The following IPO8 variants were observed in gnomAD, a reference collection of about 807,000 sequenced individuals.
IPO8 encodes importin-8.
In IPO8, 65 loss-of-function variants were observed where a neutral mutation model predicts 141.2. The observed-to-expected ratio is 0.46, with a 90% CI of 0.38 to 0.57. The LOEUF (loss-of-function observed/expected upper bound fraction) is 0.57. Among genes scored for constraint, IPO8 ranks in the 20% least tolerant of loss-of-function variants. IPO8 has a pLI of 0.00. For synonymous variants in IPO8, 411 were observed against 420.3 expected, an observed-to-expected ratio of 0.98 and a Z score of 0.27; for missense variants, 980 against 1,246.8, an observed-to-expected ratio of 0.79 and a Z score of 3.22.
At chr12:30,659,864 A>AC (rs1565500355) in intron 16 of IPO8, among the ~76,000 whole-genome samples, 6 of 146,616 alleles carry the variant, frequency 4.1e-5, no homozygotes. Context: ...CAAAACAAAA[A>AC]AAAAAAAAAC....
At chr12:30,674,150 T>C in intron 7 of IPO8, 76 bp from the exon 8 acceptor site, 1 of 942,656 alleles carries the variant, frequency 1.1e-6, no homozygotes, top group Non-Finnish European at 1.7e-6. Flanking sequence ...TTAAATATAG[T>C]CGCTTATTCA....
chr12:30,636,417 T>G (rs898683304), intron 22 of IPO8, among the ~76,000 whole-genome samples: 1 of 152,150 alleles, frequency 6.6e-6, no homozygotes, highest in African/African-American at 2.4e-5. Flanking sequence ...TATTCAACTC[T>G]AACAATCTTA....
chr12:30,678,192 A>C (rs1293595385), intron 5 of IPO8, among the ~76,000 whole-genome samples: 1 of 152,116 alleles, frequency 6.6e-6, no homozygotes, highest in African/African-American at 2.4e-5. Context: ...GCTAGGGTTA[A>C]TTTATTATTG....
At position 30,630,760 on chromosome 12, in the gene IPO8, G is replaced by T; in HGVS notation, c.*100C>A. On this transcript the variant is annotated 3_prime_UTR_variant, in exon 25 of 25. Transcript: ENST00000256079. ...CCAGATGGTAACTGGCACAGCAGGA[G>T]GGCCCTAAAAGCAGCCCCTCATTTC... 2 of 853,826 alleles carry T rather than the reference G, an allele frequency of 2.3e-6. No homozygotes were observed. The highest frequency in any genetic ancestry group is 2.5e-5 in the East Asian group (1 of 40,694). The allele number at this position is 853,826 out of a possible 1,614,324, so 52.9% of individuals were successfully genotyped here. A position where few individuals can be genotyped will look rare whatever the true frequency, so the allele number is the denominator to read the frequency against.
intron 1 of IPO8, among the ~76,000 whole-genome samples, chr12:30,690,989 T>C (rs2053286327): frequency 1.3e-5 from 2 of 152,212 alleles, no homozygotes; most frequent in Admixed American, 1.3e-4. Context: ...TTGTTGGCTG[T>C]TTTTTCTACA....
chr12:30,653,064 T>G lies in IPO8; in HGVS notation c.1977A>C (p.Ala659=). 3.7e-6 allele frequency: 6 copies of G among 1,610,496 alleles called. No individual in the cohort carries two copies. The highest frequency in any genetic ancestry group is 5.1e-6 in the Non-Finnish European group (6 of 1,178,448). The part of the protein sequence containing the change: ...IEFYEEILSL[A]YSLTCHSISP... ...AAATACTGTGGCAGGTTAAACTGTA[T>G]GCCAGGGAAAGAATTTCTTCATAGA... Residue 659 remains alanine, a synonymous_variant, in exon 18 of 25, where the codon GCA becomes GCC. Coordinates refer to ENST00000256079, the MANE Select transcript of IPO8 (RefSeq NM_006390.4).
chr12:30,688,178 T>C (rs1055436181), intron 2 of IPO8, among the ~76,000 whole-genome samples: 1 of 152,176 alleles, frequency 6.6e-6, no homozygotes, highest in Non-Finnish European at 1.5e-5. Flanking sequence ...CTATCCTAAA[T>C]TTAAGATAGG....
chr12:30,661,052 A>C, intron 16 of IPO8, 89 bp downstream of exon 16: 1 of 973,096 alleles, frequency 1.0e-6, no homozygotes, highest in Non-Finnish European at 1.4e-6. Context: ...TAGCAATTTA[A>C]AAGTGGAGAC....
chr12:30,634,430 C>T (rs1346612465), intron 22 of IPO8, 144 bp from the exon 23 acceptor site: 1 of 618,896 alleles, frequency 1.6e-6, no homozygotes, highest in Non-Finnish European at 2.7e-6. Context: ...AAATCTTATC[C>T]CTGGTCTAAA....
intron 17 of IPO8, 55 bp from the exon 18 acceptor site, chr12:30,653,147 A>C: frequency 6.5e-7 from 1 of 1,542,640 alleles, no homozygotes; most frequent in Admixed American, 1.7e-5. Context: ...AAGTTAAAAC[A>C]AAGACCACAC....
intron 17 of IPO8, among the ~76,000 whole-genome samples, chr12:30,655,832 T>C (rs2052791730): frequency 6.6e-6 from 1 of 152,214 alleles, no homozygotes; most frequent in African/African-American, 2.4e-5. Context: ...CTGCTCTTAA[T>C]CAGAGACAGG....
intron 13 of IPO8, among the ~76,000 whole-genome samples, chr12:30,664,251 C>A (rs2052930017): frequency 6.6e-6 from 1 of 152,092 alleles, no homozygotes; most frequent in African/African-American, 2.4e-5. Context: ...AGGTAGGAGC[C>A]CCACTGTAAA....
rs1392223854 is a variant in IPO8 at position 30,695,553 on chromosome 12, C to T, written c.84+11G>A. On this transcript the variant is annotated intron_variant, in intron 1 of 24. Coordinates refer to ENST00000256079, the MANE Select transcript of IPO8 (RefSeq NM_006390.4). This position sits in a 1 kb window ranked among gnomAD's most constrained non-coding sequence, Gnocchi z 4.2. ...TCGGCGGAAGAGGGTCGCCGAAGAC[C>T]CTCTCCTCACCTGGTTGAGCTCGTT... 3.1e-6 allele frequency: 5 copies of T among 1,612,450 alleles called. No individual in the cohort carries two copies. Among genetic ancestry groups the T allele is most frequent in the Non-Finnish European group, 4.2e-6 (5 of 1,178,862 alleles).
intron 23 of IPO8, among the ~76,000 whole-genome samples, chr12:30,633,374 T>A (rs1436383458): frequency 6.6e-6 from 1 of 152,208 alleles, no homozygotes; most frequent in Non-Finnish European, 1.5e-5. Flanking sequence ...TATCTAACCA[T>A]AAAACAAATA....
rs770816193 is a variant in IPO8, at chr12:30,634,196, T to C, written c.2786A>G (p.Asp929Gly). ...CAATACTTCTTCATCCCAGTCATCATCTTCCTCCTCCTCATCTTCACCTCT... is the reference window on the plus strand; with the variant it reads ...CAATACTTCTTCATCCCAGTCATCACCTTCCTCCTCCTCATCTTCACCTCT... Reference protein sequence around the residue: ...NGRGEDEEEEDDDWDEEVLEE... With the variant: ...NGRGEDEEEEGDDWDEEVLEE... The change falls in exon 23 of 25, where the codon GAT becomes GGT. Residue 929 changes from aspartate (D) to glycine (G), a missense_variant. This residue lies in a region of IPO8 where 924 missense variants were observed against 1,153.9 expected (regional missense o/e 0.80). Transcript: ENST00000256079. The C allele has an allele frequency of 1.1e-5, 18 of 1,614,008 alleles. No individual in the cohort carries two copies. Among genetic ancestry groups the C allele is most frequent in the Non-Finnish European group, 1.4e-5 (16 of 1,179,888 alleles).
At chr12:30,690,695 C>T in intron 1 of IPO8, 118 bp from the exon 2 acceptor site, 1 of 551,380 alleles carries the variant, frequency 1.8e-6, no homozygotes, top group Non-Finnish European at 3.2e-6. Context: ...TAAACTGAGA[C>T]AAACCCTTCA....
At position 30,635,271 on chromosome 12, in the gene IPO8, C is replaced by T. The variant is rs1565492236; in HGVS notation, c.2696-985G>A. The stretch of plus-strand genomic sequence containing the variant: ...TATCTATTGTACAGCATGGTGAATA[C>T]AGTTAATAGTATATGTACATTTCAA... On this transcript the variant is annotated intron_variant, in intron 22 of 24. Coordinates refer to ENST00000256079, the MANE Select transcript of IPO8 (RefSeq NM_006390.4). Among the ~76,000 whole-genome samples the T allele has an allele frequency of 1.3e-5, 2 of 152,028 alleles. 1 individual carries two copies. Among genetic ancestry groups the T allele is most frequent in the African/African-American group, 4.8e-5 (2 of 41,490 alleles).
chr12:30,639,760 A>G (rs752141940), intron 20 of IPO8, 25 bp from the exon 21 acceptor site: 10 of 1,562,440 alleles, frequency 6.4e-6, no homozygotes. Flanking sequence ...AAAGAAAGTC[A>G]ACCACACAGA....
chr12:30,670,192 T>C (rs1269835590), intron 9 of IPO8, among the ~76,000 whole-genome samples: 1 of 152,218 alleles, frequency 6.6e-6, no homozygotes, highest in Non-Finnish European at 1.5e-5. Flanking sequence ...TTAAGATATC[T>C]ACATAAATCA....
Sources: allele counts gnomAD v4.1 joint callset (sites outside exome capture counted in the v4.1 genomes callset), GRCh38; gene constraint gnomAD v4.1.1; regional missense constraint gnomAD v4.1.1; non-coding constraint Gnocchi (gnomAD v3.1); transcripts MANE v1.5; gene names NCBI Gene and HGNC (gene_info 2026-07-23, HGNC 2026-07-21).